PMPCA: variants seen among roughly 807,000 people sequenced by gnomAD.
The protein encoded by PMPCA is mitochondrial-processing peptidase subunit alpha.
Under a neutral mutation model 59.3 loss-of-function variants are expected in PMPCA, and 47 were observed. The observed-to-expected ratio is 0.79, with a 90% CI of 0.63 to 1.01. PMPCA has a LOEUF of 1.01. Ranked by LOEUF, PMPCA falls within the 50% of genes least tolerant of loss-of-function variation. The pLI, the probability that PMPCA is intolerant of heterozygous loss-of-function variation, is 0.00. For synonymous variants in PMPCA, 338 were observed against 290.3 expected (o/e 1.16, Z -1.67); for missense variants, 726 against 704.5 (o/e 1.03, Z -0.34).
In PMPCA at chr9:136,423,303, T is replaced by C; in HGVS notation, c.*39T>C. On this transcript the variant is annotated 3_prime_UTR_variant, in exon 13 of 13. Coordinates refer to ENST00000371717, the MANE Select transcript of PMPCA (RefSeq NM_015160.3). ...CCTGACAGACCCAGGGAGCTGCAGCTGGAGCCCGTTCCCGTGCGTGTTAGT... is the reference window on the plus strand; with the variant it reads ...CCTGACAGACCCAGGGAGCTGCAGCCGGAGCCCGTTCCCGTGCGTGTTAGT... 1 of 1,585,010 alleles carries C rather than the reference T, an allele frequency of 6.3e-7. No homozygotes were observed.
intron 4 of PMPCA, among the ~76,000 whole-genome samples, chr9:136,413,493 A>T (rs527992908): frequency 4.5e-4 from 68 of 152,322 alleles, no homozygotes; most frequent in African/African-American, 1.5e-3. Context: ...ACAGATTTTT[A>T]AAATTGTTGA....
At chr9:136,422,390 G>C in intron 12 of PMPCA, 11 of 1,135,052 alleles carry the variant, frequency 9.7e-6, no homozygotes, top group Non-Finnish European at 1.2e-5. Flanking sequence ...CCAGGTTTCC[G>C]GGGCCCCCAT....
In PMPCA at chr9:136,416,376, C is replaced by T. The variant is rs201244979; in HGVS notation, c.618C>T (p.Thr206=). 52 of 1,611,394 alleles carry T rather than the reference C, an allele frequency of 3.2e-5. No homozygotes were observed. Among genetic ancestry groups the T allele is most frequent in the East Asian group, 8.9e-5 (4 of 44,876 alleles). The change falls in exon 6 of 13, where the codon ACC becomes ACT. Residue 206 remains threonine (T), a synonymous_variant. Coordinates refer to ENST00000371717, the MANE Select transcript of PMPCA (RefSeq NM_015160.3). ...NLRPDPEPLL[T]EMIHEAAYRE... ...GGCCTGACCCAGAGCCACTTCTCACCGAGATGATTCATGAAGTAAAATGTC... is the reference window on the plus strand; with the variant it reads ...GGCCTGACCCAGAGCCACTTCTCACTGAGATGATTCATGAAGTAAAATGTC...
At chr9:136,422,891 C>T (rs1272850694) in intron 12 of PMPCA, 7 of 1,390,128 alleles carry the variant, frequency 5.0e-6, no homozygotes, top group Non-Finnish European at 6.5e-6. Flanking sequence ...GCCATGTCCC[C>T]ATTTACTGAG....
intron 5 of PMPCA, chr9:136,415,979 C>T: frequency 2.3e-6 from 1 of 440,024 alleles, no homozygotes; most frequent in Non-Finnish European, 4.1e-6. Flanking sequence ...CGTGTCCTCA[C>T]AGCAGCACTT....
At chr9:136,416,835 T>A (rs1048182611) in intron 6 of PMPCA, 116 bp from the exon 7 acceptor site, 1 of 906,984 alleles carries the variant, frequency 1.1e-6, no homozygotes, top group Admixed American at 2.8e-5. Flanking sequence ...AAGTAAAATA[T>A]CAGCTTGCGT....
intron 11 of PMPCA, 58 bp downstream of exon 11, chr9:136,419,164 C>CACTCCTACA: frequency 2.7e-6 from 4 of 1,467,302 alleles, no homozygotes; most frequent in Non-Finnish European, 3.8e-6. Context: ...AGGAGACAGC[C>CACTCCTACA]ACGTTGTAGG....
chr9:136,421,284 A>C (rs1835440801), intron 11 of PMPCA, among the ~76,000 whole-genome samples: 1 of 152,178 alleles, frequency 6.6e-6, no homozygotes, highest in Non-Finnish European at 1.5e-5. Context: ...AACTCAAGGG[A>C]GGCACATTGC....
Position 136,421,800 on chromosome 9 carries a change from T to C in PMPCA, c.1264-32T>C, listed in dbSNP as rs574275480. On this transcript the variant is annotated intron_variant, in intron 11 of 12. Transcript: ENST00000371717. ...GGGGTGGAAGGTGGCACGGGGCGGG[T>C]GTGTGCTCACCTGACTGGACCCTGG... 82 of 1,550,628 alleles carry C rather than the reference T, an allele frequency of 5.3e-5. 4 individuals are homozygous for C. The South Asian group carries it at 9.7e-4, about 18-fold the overall frequency.
At chr9:136,418,486 C>T (rs116205135) in intron 8 of PMPCA, 69 bp from the exon 9 acceptor site, 2 of 990,580 alleles carry the variant, frequency 2.0e-6, no homozygotes, top group East Asian at 2.4e-5. Context: ...TGCCCTCCGT[C>T]CCTGGCGTCT....
At chr9:136,417,430 G>A (rs532363821) in intron 7 of PMPCA, among the ~76,000 whole-genome samples, 22 of 151,934 alleles carry the variant, frequency 1.4e-4, no homozygotes, top group Non-Finnish European at 2.4e-4. Context: ...AGGTGGATGC[G>A]GTTCTTTCTC....
chr9:136,415,131 C>A (rs1366681638), intron 5 of PMPCA, among the ~76,000 whole-genome samples: 1 of 152,118 alleles, frequency 6.6e-6, no homozygotes, highest in Non-Finnish European at 1.5e-5. Context: ...AGTAGCCAGG[C>A]GTGCTGGCTC....
At position 136,417,225 on chromosome 9, in the gene PMPCA, G is replaced by A. The variant is rs556400644; in HGVS notation, c.897+11G>A. On this transcript the variant is annotated intron_variant, in intron 7 of 12. Transcript: ENST00000371717. ...GGGGGGATTGCCAAGGTGAAGTAGC[G>A]GGAACGTCTCATGGCCTCGGGTGGG... 109 of 1,558,722 alleles carry A rather than the reference G, an allele frequency of 7.0e-5. No individual in the cohort carries two copies. The highest frequency in any genetic ancestry group is 3.3e-4 in the African/African-American group (24 of 73,840).
chr9:136,411,089 A>T, intron 1 of PMPCA: 1 of 258,662 alleles, frequency 3.9e-6, no homozygotes, highest in Non-Finnish European at 7.3e-6. Context: ...TTAGACCCGC[A>T]GGGTTCTGAC....
chr9:136,412,988 G>A (rs1230421085), intron 4 of PMPCA, 96 bp downstream of exon 4: 2 of 783,272 alleles, frequency 2.6e-6, no homozygotes, highest in African/African-American at 1.7e-5. Flanking sequence ...CCAGCGGGAG[G>A]TGTGGAGATT....
At chr9:136,419,394 G>T in intron 11 of PMPCA, 2 of 536,876 alleles carry the variant, frequency 3.7e-6, no homozygotes, top group Non-Finnish European at 6.8e-6. Context: ...GCCACTGGGT[G>T]AGTCGTGGGA....
Position 136,412,010 on chromosome 9 carries a change from G to C in PMPCA, c.85G>C (p.Ala29Pro). 1 of 1,610,848 alleles carries C rather than the reference G, an allele frequency of 6.2e-7. No individual in the cohort carries two copies. The highest frequency in any genetic ancestry group is 8.5e-7 in the Non-Finnish European group (1 of 1,177,268). The change falls in exon 2 of 13, where the codon GCG (alanine) becomes CCG (proline). Residue 29 changes from alanine (A) to proline (P), a missense_variant. Transcript: ENST00000371717. Reference protein sequence around the residue: ...GCSRLRFGPPAYRRFSSGGAY... With the variant: ...GCSRLRFGPPPYRRFSSGGAY... The stretch of plus-strand genomic sequence containing the variant: ...TCTCTGTTTTAGGTTTGGACCTCCT[G>C]CGTACAGACGGTTTAGTAGTGGTGG...
chr9:136,423,221 G>C lies in PMPCA; in HGVS notation c.1535G>C (p.Ser512Thr), dbSNP rs1431996460. Residue 512 changes from serine to threonine, a missense_variant, in exon 13 of 13, where the codon AGT becomes ACT. Physicochemically the swap from Ser to Thr is moderately conservative, Grantham distance 58. Coordinates refer to ENST00000371717, the MANE Select transcript of PMPCA (RefSeq NM_015160.3). ...GAGCACATCCAGACCGCCCTGTCGA[G>C]TAAGGACGGGCGCCTGCCCAGGACG... ...TYEHIQTALSSKDGRLPRTYR... is the reference protein window; with the variant it reads ...TYEHIQTALSTKDGRLPRTYR... 1 of 1,613,436 alleles carries C rather than the reference G, an allele frequency of 6.2e-7. No individual in the cohort carries two copies. Among genetic ancestry groups the C allele is most frequent in the African/African-American group, 1.3e-5 (1 of 74,946 alleles).
Position 136,417,084 on chromosome 9 carries a change from T to C in PMPCA, c.767T>C (p.Val256Ala). The change falls in exon 7 of 13, where the codon GTG becomes GCG. Residue 256 changes from valine (V) to alanine (A), a missense_variant. Coordinates refer to ENST00000371717, the MANE Select transcript of PMPCA (RefSeq NM_015160.3). The stretch of plus-strand genomic sequence containing the variant: ...CCCGACCGCATGGTGCTGGCCGGCG[T>C]GGGCGTGGAGCACGAGCATCTGGTG... ...YTPDRMVLAG[V>A]GVEHEHLVDC... 6.2e-7 allele frequency: 1 copy of C among 1,613,958 alleles called. No individual in the cohort carries two copies. Among genetic ancestry groups the C allele is most frequent in the Non-Finnish European group, 8.5e-7 (1 of 1,180,028 alleles).
Sources: allele counts gnomAD v4.1 joint callset (sites outside exome capture counted in the v4.1 genomes callset), GRCh38; gene constraint gnomAD v4.1.1; transcripts MANE v1.5; gene names NCBI Gene and HGNC (gene_info 2026-07-23, HGNC 2026-07-21).